Variants in CREB5 observed in about 807,000 individuals in gnomAD.
CREB5 encodes the protein cyclic AMP-responsive element-binding protein 5.
A neutral mutation model predicts 57.1 loss-of-function variants in CREB5; 19 were observed. The observed-to-expected ratio is 0.33, with a 90% CI of 0.23 to 0.49. The LOEUF (loss-of-function observed/expected upper bound fraction) is 0.49. Ranked by LOEUF, CREB5 falls within the 20% of genes least tolerant of loss-of-function variation. The pLI, the probability that CREB5 is intolerant of heterozygous loss-of-function variation, is 0.99. For synonymous variants in CREB5, 238 were observed against 238.3 expected, an observed-to-expected ratio of 1.00 and a Z score of 0.01; for missense variants, 579 against 671.6, an observed-to-expected ratio of 0.86 and a Z score of 1.52.
intron 5 of CREB5, among the ~76,000 whole-genome samples, chr7:28,694,407 C>T (rs982348984): frequency 2.0e-5 from 3 of 152,014 alleles, no homozygotes; most frequent in Non-Finnish European, 1.5e-5. Flanking sequence ...TAGTTCAGTA[C>T]ATGGCTGCTT....
intron 5 of CREB5, among the ~76,000 whole-genome samples, chr7:28,643,986 G>C (rs1381915890): frequency 6.6e-6 from 1 of 152,012 alleles, no homozygotes; most frequent in Non-Finnish European, 1.5e-5. Flanking sequence ...GCTGAGGTGG[G>C]AGAATTGTTT....
In CREB5 at chr7:28,737,584, T is replaced by TATAA. The variant is rs575885391; in HGVS notation, c.702+13255_702+13256insAATA. 1.4e-3 allele frequency among the ~76,000 whole-genome samples: 38 copies of TATAA among 27,552 alleles called. 2 individuals carry two copies. Among genetic ancestry groups the TATAA allele is most frequent in the Non-Finnish European group, 2.3e-3 (23 of 9,820 alleles). 18.1% of individuals were successfully genotyped at this position (27,552 alleles called of 152,430 possible). A position where few individuals can be genotyped will look rare whatever the true frequency, so the allele number is the denominator to read the frequency against. On this transcript the variant is annotated intron_variant, in intron 7 of 10. Transcript: ENST00000357727. ...ATATATATATATATATATATATATA[T>TATAA]ATATTTTTAACTCCTGTTTCAAAGG...
At chr7:28,655,359 C>A (rs1020656272) in intron 5 of CREB5, among the ~76,000 whole-genome samples, 21 of 152,154 alleles carry the variant, frequency 1.4e-4, no homozygotes, top group African/African-American at 5.1e-4. Context: ...ATAATCCTAG[C>A]CCTTTGGGAG....
chr7:28,721,084 C>T (rs992768901), intron 6 of CREB5, among the ~76,000 whole-genome samples: 2 of 152,176 alleles, frequency 1.3e-5, no homozygotes, highest in African/African-American at 4.8e-5. Flanking sequence ...ATGTACACAG[C>T]TGCCATGGCA....
At chr7:28,495,424 C>T (rs1467279532) in intron 3 of CREB5, among the ~76,000 whole-genome samples, 1 of 151,938 alleles carries the variant, frequency 6.6e-6, no homozygotes, top group Non-Finnish European at 1.5e-5. Context: ...CACCTGCAAT[C>T]CCAGCTACAC....
intron 9 of CREB5, among the ~76,000 whole-genome samples, chr7:28,811,655 G>C (rs1459392178): frequency 6.6e-6 from 1 of 152,142 alleles, no homozygotes; most frequent in Non-Finnish European, 1.5e-5. Context: ...ATAGGTGTGA[G>C]CCACTATGCC....
intron 1 of CREB5, among the ~76,000 whole-genome samples, chr7:28,431,426 C>A (rs946558641): frequency 6.6e-6 from 1 of 152,096 alleles, no homozygotes; most frequent in Non-Finnish European, 1.5e-5. Context: ...TTAAGATAGA[C>A]AAGGAAAATT....
At chr7:28,540,399 G>C (rs1794158791) in intron 4 of CREB5, among the ~76,000 whole-genome samples, 1 of 152,170 alleles carries the variant, frequency 6.6e-6, no homozygotes, top group Admixed American at 6.5e-5. Context: ...AGATTGAGGA[G>C]GGCAGGGTGG....
At position 28,371,987 on chromosome 7, in the gene CREB5, C is replaced by A. The variant is rs574552820; in HGVS notation, c.-25+72546C>A. On this transcript the variant is annotated intron_variant, in intron 1 of 9. Transcript: ENST00000396299. ...AGATATCAGTTATTCAAAGGACCTACGTGTCTGTCTATTTTTGAGTGTGCC... is the reference window on the plus strand; with the variant it reads ...AGATATCAGTTATTCAAAGGACCTAAGTGTCTGTCTATTTTTGAGTGTGCC... 1.5e-3 allele frequency among the ~76,000 whole-genome samples: 229 copies of A among 152,262 alleles called. 1 individual carries two copies. The highest frequency in any genetic ancestry group is 4.3e-3 in the African/African-American group (177 of 41,552).
rs575155300 is a variant in CREB5, at chr7:28,508,181, T to C, written c.291+444T>C. ...ATTATTTCCTGGTCATATTACCTTG[T>C]TCTAGTATTGAACATCTGTTGTTGC... is the stretch of plus-strand genomic sequence containing the variant. On this transcript the variant is annotated intron_variant, in intron 4 of 10. Coordinates refer to ENST00000357727, the MANE Select transcript of CREB5 (RefSeq NM_182898.4). Among the ~76,000 whole-genome samples the C allele has an allele frequency of 4.6e-5, 7 of 152,344 alleles. No homozygotes were observed. The South Asian group carries it at 1.2e-3, about 27-fold the overall frequency.
chr7:28,496,203 G>C (rs994547787), intron 3 of CREB5, among the ~76,000 whole-genome samples: 1 of 152,170 alleles, frequency 6.6e-6, no homozygotes, highest in African/African-American at 2.4e-5. Flanking sequence ...ATAGTTTCCT[G>C]TTATTCTTCT....
chr7:28,741,470 T>C (rs1181562564), intron 7 of CREB5, among the ~76,000 whole-genome samples: 1 of 150,956 alleles, frequency 6.6e-6, no homozygotes, highest in African/African-American at 2.4e-5. Flanking sequence ...CACATCTCTC[T>C]CTGAGTGGAT....
intron 5 of CREB5, among the ~76,000 whole-genome samples, chr7:28,681,690 A>G (rs1800601930): frequency 6.6e-6 from 1 of 152,212 alleles, no homozygotes; most frequent in Non-Finnish European, 1.5e-5. Context: ...CTGGGATACA[A>G]TCTGCTTCAG....
rs180680144 is a variant in CREB5, at chr7:28,325,051, T to G, written c.-25+25610T>G. 3.3e-5 allele frequency among the ~76,000 whole-genome samples: 5 copies of G among 152,374 alleles called. No individual in the cohort carries two copies. In the East Asian group the frequency reaches 7.7e-4, roughly 23 times the overall value. ...TCCAATGCATCACTCTACTACATAC[T>G]GTCATCTTTTCTAATCTGAACAACC... is the stretch of plus-strand genomic sequence containing the variant. On this transcript the variant is annotated intron_variant, in intron 1 of 9. Coordinates refer to the CREB5 transcript ENST00000396299.
intron 1 of CREB5, among the ~76,000 whole-genome samples, chr7:28,335,440 T>C (rs905624332): frequency 2.0e-5 from 3 of 152,154 alleles, no homozygotes; most frequent in African/African-American, 7.2e-5. Flanking sequence ...CCTAGGTATT[T>C]AATTTGATTT....
intron 1 of CREB5, among the ~76,000 whole-genome samples, chr7:28,319,219 G>A (rs1265788837): frequency 6.6e-6 from 1 of 152,100 alleles, no homozygotes; most frequent in Admixed American, 6.5e-5. Flanking sequence ...TACATGGCCT[G>A]TATAGAAGAT....
At chr7:28,480,956 A>G (rs891904133) in intron 1 of CREB5, among the ~76,000 whole-genome samples, 4 of 152,240 alleles carry the variant, frequency 2.6e-5, no homozygotes, top group Non-Finnish European at 4.4e-5. Flanking sequence ...TCCTATCTAA[A>G]GAAACATATG....
At chr7:28,594,853 G>C (rs539908498) in intron 5 of CREB5, among the ~76,000 whole-genome samples, 6 of 152,216 alleles carry the variant, frequency 3.9e-5, no homozygotes, top group South Asian at 2.1e-4. Flanking sequence ...GGAGTTTTTA[G>C]TTAATTCTTC....
chr7:28,764,471 G>C (rs1216583278), intron 7 of CREB5, among the ~76,000 whole-genome samples: 1 of 152,070 alleles, frequency 6.6e-6, no homozygotes, highest in African/African-American at 2.4e-5. Flanking sequence ...ATGTTTAAGA[G>C]AAGGATCAAA....
Sources: gnomAD v4.1 joint callset for allele counts (sites outside exome capture counted in the v4.1 genomes callset) on GRCh38, gnomAD v4.1.1 for gene constraint, MANE v1.5 for transcripts, NCBI Gene and HGNC (gene_info 2026-07-23, HGNC 2026-07-21) for gene names.